The following SHC3 variants were observed in gnomAD, a reference collection of about 807,000 sequenced individuals.
The protein encoded by SHC3 is SHC-transforming protein 3.
SHC3 carries 15 observed loss-of-function variants against 60.4 expected under a neutral mutation model. The observed-to-expected ratio is 0.25, with a 90% CI of 0.17 to 0.38. The LOEUF (loss-of-function observed/expected upper bound fraction) is 0.38. Ranked by LOEUF, SHC3 falls within the 10% of genes least tolerant of loss-of-function variation. SHC3 has a pLI of 1.00. For missense variants in SHC3, 677 were observed against 786.1 expected, an observed-to-expected ratio of 0.86 and a Z score of 1.66; for synonymous variants, 294 against 325.9, an observed-to-expected ratio of 0.90 and a Z score of 1.05.
chr9:89,142,529 A>C (rs1246219531), intron 1 of SHC3, among the ~76,000 whole-genome samples: 2 of 152,052 alleles, frequency 1.3e-5, no homozygotes, highest in Non-Finnish European at 2.9e-5. Context: ...TTAAAAATAC[A>C]CAAATTAGCC....
intron 10 of SHC3, among the ~76,000 whole-genome samples, chr9:89,041,260 T>A (rs1564093793): frequency 6.6e-6 from 1 of 152,204 alleles, no homozygotes; most frequent in Non-Finnish European, 1.5e-5. Flanking sequence ...TTCCTCAGTC[T>A]ATATGACAAA....
intron 1 of SHC3, among the ~76,000 whole-genome samples, chr9:89,114,074 A>C (rs143260401): frequency 2.6e-5 from 4 of 152,198 alleles, no homozygotes; most frequent in Non-Finnish European, 5.9e-5. Context: ...AGTTATATGA[A>C]TACTACAACT....
intron 1 of SHC3, among the ~76,000 whole-genome samples, chr9:89,128,063 G>A (rs1019661280): frequency 2.6e-5 from 4 of 151,918 alleles, no homozygotes; most frequent in Non-Finnish European, 5.9e-5. Flanking sequence ...TTGTGTGCGT[G>A]ATGTCTACAT....
At chr9:89,073,645 A>G (rs1825310219) in intron 4 of SHC3, among the ~76,000 whole-genome samples, 1 of 152,222 alleles carries the variant, frequency 6.6e-6, no homozygotes, top group South Asian at 2.1e-4. Flanking sequence ...CAAGGGCAGG[A>G]AAACATGAAC....
chr9:89,100,075 G>A (rs953342779), intron 2 of SHC3, among the ~76,000 whole-genome samples: 16 of 152,264 alleles, frequency 1.1e-4, no homozygotes, highest in Non-Finnish European at 2.2e-4. Flanking sequence ...CCCAATAAAC[G>A]TTAATTAAAA....
intron 1 of SHC3, among the ~76,000 whole-genome samples, chr9:89,138,627 G>A (rs1375275048): frequency 6.6e-6 from 1 of 152,144 alleles, no homozygotes; most frequent in Admixed American, 6.5e-5. Context: ...TAACCGTCTG[G>A]GAATCCAGCC....
intron 6 of SHC3, among the ~76,000 whole-genome samples, chr9:89,053,617 G>T (rs190082885): frequency 6.6e-6 from 1 of 152,274 alleles, no homozygotes; most frequent in Non-Finnish European, 1.5e-5. Flanking sequence ...TCTGCTTTGG[G>T]GGGCAATGCA....
At chr9:89,093,612 C>A (rs1489118758) in intron 2 of SHC3, among the ~76,000 whole-genome samples, 1 of 149,098 alleles carries the variant, frequency 6.7e-6, no homozygotes, top group East Asian at 2.0e-4. Flanking sequence ...GAAATTAAAC[C>A]AGCCAGCACA....
intron 1 of SHC3, among the ~76,000 whole-genome samples, chr9:89,159,643 T>C (rs1826675476): frequency 6.6e-6 from 1 of 152,174 alleles, no homozygotes; most frequent in Non-Finnish European, 1.5e-5. Context: ...CACAATAGGC[T>C]GCCTGCAAGC....
chr9:89,015,740 C>T (rs1329616332), intron 11 of SHC3, among the ~76,000 whole-genome samples: 1 of 152,188 alleles, frequency 6.6e-6, no homozygotes, highest in Non-Finnish European at 1.5e-5. Context: ...CAAACTTAGA[C>T]TCCAGACACA....
rs1825964827 is a variant in SHC3 at position 89,007,983 on chromosome 9, C to T, written c.*5464G>A. The T allele has an allele frequency of 6.6e-6, 1 of 152,202 alleles. No individual in the cohort carries two copies. The highest frequency in any genetic ancestry group is 2.1e-4 in the South Asian group (1 of 4,828). 9.4% of individuals were successfully genotyped at this position (152,202 alleles called of 1,614,324 possible). ...AAAACCAAAGCCCAGGGAGGAGTCC[C>T]AAGGTGCACAACACAGAGCCAATCT... is the stretch of plus-strand genomic sequence containing the variant. On this transcript the variant is annotated 3_prime_UTR_variant, in exon 12 of 12. Coordinates refer to ENST00000375835, the MANE Select transcript of SHC3 (RefSeq NM_016848.6).
Position 89,032,706 on chromosome 9 carries a change from G to A in SHC3, c.1656+5287C>T, listed in dbSNP as rs1335760399. ...TCTCACCACGTTTCCAGTGATCTCAGTGGACGGTGGGAAGGCACAAAGGTT... is the reference window on the plus strand; with the variant it reads ...TCTCACCACGTTTCCAGTGATCTCAATGGACGGTGGGAAGGCACAAAGGTT... On this transcript the variant is annotated intron_variant, in intron 11 of 11. Coordinates refer to ENST00000375835, the MANE Select transcript of SHC3 (RefSeq NM_016848.6). Among the ~76,000 whole-genome samples, 5 of 152,192 alleles carry A rather than the reference G, an allele frequency of 3.3e-5. No individual in the cohort carries two copies. The South Asian group carries it at 1.0e-3, about 32-fold the overall frequency.
At chr9:89,045,716 G>T (rs2117905843) in intron 9 of SHC3, 30 bp downstream of exon 9, 2 of 1,606,168 alleles carry the variant, frequency 1.2e-6, no homozygotes, top group Non-Finnish European at 1.7e-6. Flanking sequence ...TGTCTTTTGT[G>T]TTTCTCACCC....
At chr9:89,116,149 G>T (rs1276483726) in intron 1 of SHC3, among the ~76,000 whole-genome samples, 3 of 152,202 alleles carry the variant, frequency 2.0e-5, no homozygotes, top group Non-Finnish European at 4.4e-5. Context: ...ACAGTTATGT[G>T]AACCCCACCA....
chr9:89,139,116 G>C (rs1298254370), intron 1 of SHC3, among the ~76,000 whole-genome samples: 1 of 152,158 alleles, frequency 6.6e-6, no homozygotes, highest in African/African-American at 2.4e-5. Context: ...ATTGTTAGCT[G>C]ATTCTAATGC....
At chr9:89,107,967 G>T (rs141827122) in intron 2 of SHC3, among the ~76,000 whole-genome samples, 2 of 152,186 alleles carry the variant, frequency 1.3e-5, no homozygotes, top group Non-Finnish European at 2.9e-5. Flanking sequence ...CTACATCAAG[G>T]TGGTCCCATG....
chr9:89,158,891 G>A (rs1223361669), intron 1 of SHC3, among the ~76,000 whole-genome samples: 1 of 152,168 alleles, frequency 6.6e-6, no homozygotes, highest in Non-Finnish European at 1.5e-5. Context: ...TTGCTTTGTT[G>A]GGTGGGCAAA....
intron 1 of SHC3, among the ~76,000 whole-genome samples, chr9:89,137,054 C>T (rs1434031314): frequency 6.6e-6 from 1 of 151,976 alleles, no homozygotes; most frequent in African/African-American, 2.4e-5. Context: ...GGTGGATATA[C>T]CTTTAAACAA....
intron 2 of SHC3, chr9:89,109,626 G>C (rs1365952140): frequency 2.0e-6 from 2 of 985,334 alleles, no homozygotes; most frequent in East Asian, 2.3e-4. Context: ...GATCTTGTCT[G>C]GCCTGCTCTC....
Sources: allele counts gnomAD v4.1 joint callset (sites outside exome capture counted in the v4.1 genomes callset), GRCh38; gene constraint gnomAD v4.1.1; transcripts MANE v1.5; gene names NCBI Gene and HGNC (gene_info 2026-07-23, HGNC 2026-07-21).